Variants in HS6ST2 observed in about 807,000 individuals in gnomAD.
The protein encoded by HS6ST2 is heparan-sulfate 6-O-sulfotransferase 2.
A neutral mutation model predicts 33.0 loss-of-function variants in HS6ST2; 17 were observed. That is an observed-to-expected ratio of 0.52 (90% CI 0.35 to 0.77). The LOEUF is 0.77. Ranked by LOEUF, HS6ST2 falls within the 30% of genes least tolerant of loss-of-function variation. The pLI, the probability that HS6ST2 is intolerant of heterozygous loss-of-function variation, is 0.01. For missense variants in HS6ST2, 519 were observed against 551.7 expected, an observed-to-expected ratio of 0.94 and a Z score of 0.59; for synonymous variants, 248 against 237.1, an observed-to-expected ratio of 1.05 and a Z score of -0.42.
At chrX:132,718,208 G>A (rs1163874886) in intron 2 of HS6ST2, among the ~76,000 whole-genome samples, 1 of 111,290 alleles carries the variant, frequency 9.0e-6, no homozygotes, top group African/African-American at 3.3e-5. Flanking sequence ...AGGCTCAGAC[G>A]GACTTGCATG....
chrX:132,949,017 T>C (rs1469247175), intron 2 of HS6ST2, among the ~76,000 whole-genome samples: 1 of 111,697 alleles, frequency 9.0e-6, no homozygotes, highest in Non-Finnish European at 1.9e-5. Flanking sequence ...AGTTGGACAA[T>C]GACATTTCTA....
At chrX:132,705,253 G>C (rs1350470789) in intron 3 of HS6ST2, among the ~76,000 whole-genome samples, 2 of 109,330 alleles carry the variant, frequency 1.8e-5, no homozygotes, top group African/African-American at 6.7e-5. Context: ...GGAAACCTAA[G>C]GAATGTAGAG....
intron 2 of HS6ST2, among the ~76,000 whole-genome samples, chrX:132,743,016 AAG>A (rs909261152): frequency 4.5e-5 from 5 of 111,893 alleles, no homozygotes; most frequent in African/African-American, 1.6e-4. Flanking sequence ...CAAAACCACA[AAG>A]AGCAATGAGG....
intron 2 of HS6ST2, among the ~76,000 whole-genome samples, chrX:132,920,099 T>C (rs2066636781): frequency 9.0e-6 from 1 of 111,457 alleles, no homozygotes; most frequent in Admixed American, 9.6e-5. Context: ...GGTGGGGGGC[T>C]GGCTGAAGAC....
At chrX:132,634,378 T>G (rs2063539342) in intron 4 of HS6ST2, among the ~76,000 whole-genome samples, 1 of 112,244 alleles carries the variant, frequency 8.9e-6, no homozygotes, top group African/African-American at 3.2e-5. Flanking sequence ...TTTCACTTAG[T>G]AGTAATTGGA....
intron 2 of HS6ST2, among the ~76,000 whole-genome samples, chrX:132,809,503 C>G (rs987533558): frequency 3.2e-4 from 36 of 111,955 alleles, no homozygotes; most frequent in Non-Finnish European, 5.3e-4. Context: ...CATCATGGTC[C>G]CTGCCTTTCC....
At chrX:132,643,210 T>TA (rs893082929) in intron 4 of HS6ST2, among the ~76,000 whole-genome samples, 2 of 111,405 alleles carry the variant, frequency 1.8e-5, no homozygotes, top group African/African-American at 6.5e-5. Flanking sequence ...TTTTTTTTTT[T>TA]AAAGGGGCAC....
chrX:132,847,265 G>T (rs992801282), intron 2 of HS6ST2, among the ~76,000 whole-genome samples: 14 of 111,404 alleles, frequency 1.3e-4, no homozygotes, highest in African/African-American at 3.6e-4. Flanking sequence ...TTAACATTCT[G>T]GGCTGGATAA....
chrX:132,873,176 GT>G (rs2066080495), intron 2 of HS6ST2, among the ~76,000 whole-genome samples: 1 of 111,945 alleles, frequency 8.9e-6, no homozygotes, highest in African/African-American at 3.2e-5. Context: ...TAATTGCTCT[GT>G]TTTACTCTAT....
chrX:132,825,267 C>T (rs902139088), intron 2 of HS6ST2, among the ~76,000 whole-genome samples: 2 of 111,539 alleles, frequency 1.8e-5, no homozygotes, highest in Non-Finnish European at 3.8e-5. Flanking sequence ...AGGAGGAAAC[C>T]AACTAGTGGA....
chrX:132,664,584 C>T (rs1602555766), intron 4 of HS6ST2, among the ~76,000 whole-genome samples: 1 of 111,678 alleles, frequency 9.0e-6, no homozygotes, highest in East Asian at 2.8e-4. Context: ...TTCTTTTTCT[C>T]CATTTTAATA....
At chrX:132,823,970 T>C (rs142944314) in intron 2 of HS6ST2, among the ~76,000 whole-genome samples, 4,202 of 109,964 alleles carry the variant, frequency 0.038, 202 homozygotes, top group African/African-American at 0.13. Context: ...ATTCCGTGGG[T>C]TATATATACC....
intron 3 of HS6ST2, among the ~76,000 whole-genome samples, chrX:132,693,877 A>G (rs751145144): frequency 9.0e-6 from 1 of 111,619 alleles, no homozygotes; most frequent in Admixed American, 9.5e-5. Flanking sequence ...GTGCACTGAA[A>G]ACCTCTAAAT....
intron 2 of HS6ST2, among the ~76,000 whole-genome samples, chrX:132,763,149 A>T (rs772085490): frequency 1.8e-5 from 2 of 112,074 alleles, no homozygotes; most frequent in East Asian, 5.6e-4. Context: ...GCACCTCAGG[A>T]TGATGGAAAG....
rs770250839 is a variant in HS6ST2 at position 132,669,439 on chromosome X, C to G, written c.981-240G>C. 15 of 275,284 alleles carry G rather than the reference C, an allele frequency of 5.4e-5. No individual in the cohort carries two copies. In the South Asian group the frequency reaches 1.8e-3, roughly 32 times the overall value. 22.7% of individuals were successfully genotyped at this position (275,284 alleles called of 1,213,427 possible). A position where few individuals can be genotyped will look rare whatever the true frequency, so the allele number is the denominator to read the frequency against. On this transcript the variant is annotated intron_variant, in intron 3 of 4. Coordinates refer to ENST00000370833, the MANE Select transcript of HS6ST2 (RefSeq NM_001394073.1). ...CAAAGAAAGCTATCCTTTTGGCATT[C>G]AAAGCTTGAGCTCATGGATTCCATC...
intron 2 of HS6ST2, among the ~76,000 whole-genome samples, chrX:132,787,935 T>C (rs985871069): frequency 9.0e-6 from 1 of 111,147 alleles, no homozygotes; most frequent in African/African-American, 3.3e-5. Context: ...TGACATGTGT[T>C]TATCTATCCA....
chrX:132,907,783 T>C (rs1373740666), intron 2 of HS6ST2, among the ~76,000 whole-genome samples: 1 of 112,286 alleles, frequency 8.9e-6, no homozygotes, highest in Non-Finnish European at 1.9e-5. Flanking sequence ...TTGAAATCGA[T>C]CGGAGACAGA....
intron 2 of HS6ST2, among the ~76,000 whole-genome samples, chrX:132,868,439 A>C (rs2066016936): frequency 8.9e-6 from 1 of 112,308 alleles, no homozygotes; most frequent in Non-Finnish European, 1.9e-5. Flanking sequence ...CCTAACAGAC[A>C]TCTACAGAAT....
At chrX:132,711,359 A>T (rs1321241704) in intron 2 of HS6ST2, among the ~76,000 whole-genome samples, 3 of 111,177 alleles carry the variant, frequency 2.7e-5, no homozygotes, top group Non-Finnish European at 5.7e-5. Context: ...GAAGGATCCA[A>T]ATTAAGACTT....
Sources: allele counts gnomAD v4.1 joint callset (sites outside exome capture counted in the v4.1 genomes callset), GRCh38; gene constraint gnomAD v4.1.1; transcripts MANE v1.5; gene names NCBI Gene and HGNC (gene_info 2026-07-23, HGNC 2026-07-21).